The following PCDH15 variants were observed in gnomAD, a reference collection of about 807,000 sequenced individuals.
PCDH15 encodes the protein protocadherin-15.
A neutral mutation model predicts 178.5 loss-of-function variants in PCDH15; 129 were observed. That is an observed-to-expected ratio of 0.72 (90% CI 0.63 to 0.84). The LOEUF is 0.84. PCDH15 is among the 40% of genes least tolerant of loss of function. The probability of loss-of-function intolerance (pLI) is 0.00; values close to 1 mark genes in which losing one functional copy is unlikely to be tolerated. For synonymous variants in PCDH15, 800 were observed against 732.0 expected, an observed-to-expected ratio of 1.09 and a Z score of -1.50; for missense variants, 2,230 against 2,099.9, an observed-to-expected ratio of 1.06 and a Z score of -1.21.
intron 1 of PCDH15, among the ~76,000 whole-genome samples, chr10:55,180,136 G>C (rs928954545): frequency 2.0e-5 from 3 of 151,996 alleles, no homozygotes; most frequent in Non-Finnish European, 4.4e-5. Context: ...TGGCTTTAAA[G>C]AACTCTGAGA....
At chr10:53,874,741 T>A (rs2080103028) in intron 26 of PCDH15, among the ~76,000 whole-genome samples, 1 of 151,600 alleles carries the variant, frequency 6.6e-6, no homozygotes, top group Admixed American at 6.6e-5. Context: ...TCCGTTGAGA[T>A]AAAAAAATCA....
At chr10:53,885,251 C>T (rs1280135687) in intron 26 of PCDH15, among the ~76,000 whole-genome samples, 1 of 152,054 alleles carries the variant, frequency 6.6e-6, no homozygotes. Context: ...ATAAATTTCA[C>T]TGCCTTTTCC....
chr10:53,806,907 C>T lies in PCDH15; in HGVS notation c.4895G>A (p.Gly1632Glu). The change falls in exon 38 of 38, where the codon GGA becomes GAA. Residue 1632 changes from glycine to glutamate, a missense_variant. Transcript: ENST00000644397. ...CTTGTCTAGTTTCTTAAAGGGCCCT[C>T]CCAGTCGAACAGGGGAAGCAACTTT... ...NLKVASPVRL[G>E]GPFKKLDKLA... 6.2e-7 allele frequency: 1 copy of T among 1,613,862 alleles called. No homozygotes were observed. The highest frequency in any genetic ancestry group is 1.1e-5 in the South Asian group (1 of 91,078).
chr10:53,822,955 T>A (rs144677994), intron 32 of PCDH15: 1 of 1,614,138 alleles, frequency 6.2e-7, no homozygotes, highest in Non-Finnish European at 8.5e-7. Flanking sequence ...ATCTCTGGTC[T>A]ATTTGGAACT....
chr10:54,462,512 C>CTTTTTTTTTTTTTTT (rs562731025), intron 3 of PCDH15, among the ~76,000 whole-genome samples: 28 of 66,872 alleles, frequency 4.2e-4, no homozygotes, highest in Non-Finnish European at 5.0e-4. Flanking sequence ...TTTTTCTTTT[C>CTTTTTTTTTTTTTTT]TTTTTTTTTT....
intron 2 of PCDH15, among the ~76,000 whole-genome samples, chr10:55,139,134 C>T (rs1289486143): frequency 6.6e-6 from 1 of 151,586 alleles, no homozygotes; most frequent in Admixed American, 6.6e-5. Flanking sequence ...CAGTGGAATG[C>T]CTCCTTATAT....
intron 8 of PCDH15, among the ~76,000 whole-genome samples, chr10:54,286,424 A>G (rs905193964): frequency 6.6e-6 from 1 of 152,116 alleles, no homozygotes; most frequent in African/African-American, 2.4e-5. Context: ...CCATTTTGCC[A>G]AAAGTCAAAT....
At chr10:54,814,376 G>GA (rs146458029) in intron 3 of PCDH15, among the ~76,000 whole-genome samples, 1 of 151,960 alleles carries the variant, frequency 6.6e-6, no homozygotes, top group African/African-American at 2.4e-5. Flanking sequence ...TGACAACACA[G>GA]AAAAAAATTA....
intron 2 of PCDH15, among the ~76,000 whole-genome samples, chr10:55,455,906 A>G (rs1199314647): frequency 6.6e-6 from 1 of 152,132 alleles, no homozygotes; most frequent in East Asian, 1.9e-4. Context: ...GAAGCCATCA[A>G]CCTGAGGCTG....
chr10:53,820,021 A>G (rs1274979932), intron 33 of PCDH15, 144 bp downstream of exon 33: 1 of 389,946 alleles, frequency 2.6e-6, no homozygotes, highest in African/African-American at 2.1e-5. Context: ...CTACACAAAT[A>G]TGTTTTTTGG....
intron 25 of PCDH15, among the ~76,000 whole-genome samples, chr10:53,908,314 A>C (rs2133735729): frequency 6.6e-6 from 1 of 152,348 alleles, no homozygotes; most frequent in Admixed American, 6.5e-5. Context: ...AGAAACCCCA[A>C]GTTAAATAAC....
intron 2 of PCDH15, among the ~76,000 whole-genome samples, chr10:55,594,981 GCCTTA>G (rs1282198491): frequency 6.6e-6 from 1 of 151,998 alleles, no homozygotes; most frequent in Admixed American, 6.6e-5. Context: ...GGAACTGGCT[GCCTTA>G]CTTAATGTAA....
At chr10:55,139,102 T>C (rs556303983) in intron 2 of PCDH15, among the ~76,000 whole-genome samples, 1 of 152,208 alleles carries the variant, frequency 6.6e-6, no homozygotes, top group African/African-American at 2.4e-5. Context: ...CAAGTTCTTA[T>C]CTGCCATATT....
Position 54,207,508 on chromosome 10 carries a change from G to A in PCDH15, c.1098+6428C>T, listed in dbSNP as rs1381712925. On this transcript the variant is annotated intron_variant, in intron 10 of 37. Transcript: ENST00000644397. The stretch of plus-strand genomic sequence containing the variant: ...ACTCATTAAAACAAAAGTTGTAAAA[G>A]GTAAAGTTTTTAGACTGACTTCTTT... 2.0e-5 allele frequency among the ~76,000 whole-genome samples: 3 copies of A among 151,870 alleles called. No individual in the cohort carries two copies. The East Asian group carries it at 5.8e-4, about 29-fold the overall frequency.
chr10:53,984,284 G>A (rs2090942129), intron 21 of PCDH15, among the ~76,000 whole-genome samples: 1 of 150,808 alleles, frequency 6.6e-6, no homozygotes, highest in Admixed American at 6.6e-5. Flanking sequence ...CAAGTAGCTG[G>A]GACTACAGGC....
chr10:55,330,219 T>C (rs1342232884), intron 2 of PCDH15, among the ~76,000 whole-genome samples: 1 of 151,850 alleles, frequency 6.6e-6, no homozygotes, highest in Non-Finnish European at 1.5e-5. Context: ...TTATACATGA[T>C]GTTTGCATTC....
At chr10:54,016,382 C>A (rs1292216579) in intron 20 of PCDH15, among the ~76,000 whole-genome samples, 3 of 151,998 alleles carry the variant, frequency 2.0e-5, no homozygotes, top group Admixed American at 1.3e-4. Context: ...TAGGTATATA[C>A]ACAAAGATAA....
At chr10:54,372,234 T>C (rs1947788197) in intron 4 of PCDH15, among the ~76,000 whole-genome samples, 1 of 151,894 alleles carries the variant, frequency 6.6e-6, no homozygotes, top group Non-Finnish European at 1.5e-5. Flanking sequence ...TCTCAACTTC[T>C]AATTCTACTT....
At chr10:54,840,804 T>G (rs1953404927) in intron 3 of PCDH15, among the ~76,000 whole-genome samples, 1 of 151,766 alleles carries the variant, frequency 6.6e-6, no homozygotes, top group African/African-American at 2.4e-5. Context: ...CAAAATAGAC[T>G]TGTAGTCAAA....
Sources: gnomAD v4.1 joint callset for allele counts (sites outside exome capture counted in the v4.1 genomes callset) on GRCh38, gnomAD v4.1.1 for gene constraint, MANE v1.5 for transcripts, NCBI Gene and HGNC (gene_info 2026-07-23, HGNC 2026-07-21) for gene names.